Variants in SNCAIP observed in about 807,000 individuals in gnomAD.
SNCAIP encodes synphilin-1.
SNCAIP carries 43 observed loss-of-function variants against 86.7 expected under a neutral mutation model. The observed-to-expected ratio is 0.50, with a 90% CI of 0.39 to 0.64. The LOEUF (loss-of-function observed/expected upper bound fraction) is 0.64. Among genes scored for constraint, SNCAIP ranks in the 30% least tolerant of loss-of-function variants. The pLI is 0.00. For synonymous variants in SNCAIP, 417 were observed against 427.2 expected (o/e 0.98, Z 0.29); for missense variants, 981 against 1,103.1 (o/e 0.89, Z 1.57).
chr5:122,372,022 A>T (rs1764376302), intron 1 of SNCAIP, among the ~76,000 whole-genome samples: 1 of 152,096 alleles, frequency 6.6e-6, no homozygotes, highest in Non-Finnish European at 1.5e-5. Flanking sequence ...GGGTTAATAG[A>T]AACTGTCAGC....
intron 1 of SNCAIP, among the ~76,000 whole-genome samples, chr5:122,353,025 A>G (rs1460657670): frequency 1.3e-5 from 2 of 152,168 alleles, no homozygotes; most frequent in African/African-American, 2.4e-5. Flanking sequence ...CGTAGGCTCT[A>G]CCTGCTTGTG....
At chr5:122,411,138 T>C (rs1774032751) in intron 3 of SNCAIP, among the ~76,000 whole-genome samples, 1 of 152,178 alleles carries the variant, frequency 6.6e-6, no homozygotes, top group African/African-American at 2.4e-5. Flanking sequence ...AACCGCCTGT[T>C]GGTAGAAATG....
At chr5:122,401,189 C>A in intron 2 of SNCAIP, 1 of 1,455,080 alleles carries the variant, frequency 6.9e-7, no homozygotes, top group South Asian at 1.4e-5. Context: ...GGGATGAAGG[C>A]CTGGGAAGCC....
intron 1 of SNCAIP, among the ~76,000 whole-genome samples, chr5:122,372,792 C>A (rs1460155467): frequency 6.6e-6 from 1 of 151,680 alleles, no homozygotes; most frequent in African/African-American, 2.4e-5. Context: ...CTTTTTCTCC[C>A]TCCTCTTTCC....
intron 1 of SNCAIP, among the ~76,000 whole-genome samples, chr5:122,365,814 C>G (rs1763063413): frequency 6.6e-6 from 1 of 152,128 alleles, no homozygotes; most frequent in African/African-American, 2.4e-5. Flanking sequence ...GGTGAACAAG[C>G]CAAAGGATCT....
At chr5:122,354,489 A>T (rs896968026) in intron 1 of SNCAIP, among the ~76,000 whole-genome samples, 1 of 152,110 alleles carries the variant, frequency 6.6e-6, no homozygotes, top group Non-Finnish European at 1.5e-5. Flanking sequence ...TCATTTGATC[A>T]GGCTCTCATC....
rs1268027465 is a variant in SNCAIP at position 122,451,269 on chromosome 5, A to G, written c.2422A>G (p.Thr808Ala). 1 of 1,614,170 alleles carries G rather than the reference A, an allele frequency of 6.2e-7. No individual in the cohort carries two copies. ...ALKSPSSKRR[T>A]SQNLKLRVTF... ...CAAGTCTCCATCTTCCAAGCGTAGGACATCTCAGAACTTAAAACTGAGAGT... is the reference window on the plus strand; with the variant it reads ...CAAGTCTCCATCTTCCAAGCGTAGGGCATCTCAGAACTTAAAACTGAGAGT... Residue 808 changes from threonine to alanine, a missense_variant, in exon 10 of 11, where the codon ACA (threonine) becomes GCA (alanine). Physicochemically the swap from Thr to Ala is moderately conservative, Grantham distance 58. Transcript: ENST00000261368.
At chr5:122,383,293 G>T (rs565352239) in intron 1 of SNCAIP, among the ~76,000 whole-genome samples, 18 of 152,326 alleles carry the variant, frequency 1.2e-4, no homozygotes, top group African/African-American at 4.3e-4. Flanking sequence ...GGGTGGGAGT[G>T]ACCCGATTTT....
intron 1 of SNCAIP, among the ~76,000 whole-genome samples, chr5:122,313,143 T>C (rs1357062467): frequency 6.6e-6 from 1 of 152,232 alleles, no homozygotes; most frequent in African/African-American, 2.4e-5. Context: ...AATGGACGGC[T>C]AGGAGGGGGG....
At chr5:122,462,320 A>ACATAC (rs1786559896) in intron 10 of SNCAIP, among the ~76,000 whole-genome samples, 1 of 152,142 alleles carries the variant, frequency 6.6e-6, no homozygotes, top group South Asian at 2.1e-4. Context: ...AATACCATTG[A>ACATAC]CATTTTGTCT....
intron 3 of SNCAIP, among the ~76,000 whole-genome samples, chr5:122,415,382 A>G (rs1233253177): frequency 6.6e-6 from 1 of 152,228 alleles, no homozygotes; most frequent in Non-Finnish European, 1.5e-5. Flanking sequence ...CAGACTCACC[A>G]CTTTGTTTCT....
At chr5:122,394,556 A>G (rs973367448) in intron 2 of SNCAIP, among the ~76,000 whole-genome samples, 1 of 152,194 alleles carries the variant, frequency 6.6e-6, no homozygotes, top group South Asian at 2.1e-4. Context: ...ACACATAAGC[A>G]CAAAGGTTTA....
At chr5:122,356,636 A>C (rs919006603) in intron 1 of SNCAIP, among the ~76,000 whole-genome samples, 3 of 152,170 alleles carry the variant, frequency 2.0e-5, no homozygotes, top group African/African-American at 7.2e-5. Flanking sequence ...TTCCAGGGTC[A>C]GTCCCTCCCC....
chr5:122,336,987 G>A (rs1756600182), intron 1 of SNCAIP: 1 of 152,134 alleles, frequency 6.6e-6, no homozygotes, highest in Non-Finnish European at 1.5e-5. Flanking sequence ...GACTATTCCA[G>A]GATGGTTTCT....
Position 122,444,611 on chromosome 5 carries a change from G to A in SNCAIP, c.1471G>A (p.Glu491Lys). The A allele has an allele frequency of 6.2e-7, 1 of 1,614,156 alleles. No individual in the cohort carries two copies. Among genetic ancestry groups the A allele is most frequent in the Non-Finnish European group, 8.5e-7 (1 of 1,180,008 alleles). Residue 491 changes from glutamate to lysine, a missense_variant, in exon 8 of 11, where the codon GAA becomes AAA. By Grantham distance (56) the Glu-to-Lys change is moderately conservative (BLOSUM62 1). Coordinates refer to ENST00000261368, the MANE Select transcript of SNCAIP (RefSeq NM_005460.4). ...TGTCACCATGCAGAACCACGCTGGG[G>A]AAAAGCCCTCCCAGAGCGCCGAGCG... ...ANVTMQNHAG[E>K]KPSQSAERQG...
intron 5 of SNCAIP, among the ~76,000 whole-genome samples, chr5:122,430,923 A>C (rs186454297): frequency 4.7e-4 from 71 of 152,232 alleles, no homozygotes; most frequent in African/African-American, 1.5e-3. Context: ...AATAAAAGAT[A>C]ATTTCCCTTT....
At chr5:122,422,026 A>C (rs989860078) in intron 3 of SNCAIP, among the ~76,000 whole-genome samples, 17 of 123,352 alleles carry the variant, frequency 1.4e-4, no homozygotes, top group Non-Finnish European at 2.4e-4. Flanking sequence ...AAAAAAAAAA[A>C]AACCACTCTG....
intron 1 of SNCAIP, among the ~76,000 whole-genome samples, chr5:122,358,504 C>G (rs116078584): frequency 1.3e-5 from 2 of 152,054 alleles, no homozygotes; most frequent in African/African-American, 4.8e-5. Flanking sequence ...AAATAAAATT[C>G]TTATCTGACT....
chr5:122,431,211 A>T (rs1778344586), intron 5 of SNCAIP, among the ~76,000 whole-genome samples: 1 of 152,108 alleles, frequency 6.6e-6, no homozygotes, highest in African/African-American at 2.4e-5. Context: ...GCTTTTTATT[A>T]AGTCAAATAT....
Sources: gnomAD v4.1 joint callset for allele counts (sites outside exome capture counted in the v4.1 genomes callset) on GRCh38, gnomAD v4.1.1 for gene constraint, MANE v1.5 for transcripts, NCBI Gene and HGNC (gene_info 2026-07-23, HGNC 2026-07-21) for gene names.